The following NTM variants were observed in gnomAD, a reference collection of about 807,000 sequenced individuals.
NTM encodes the protein IgLON family member 2.
NTM carries 13 observed loss-of-function variants against 42.1 expected under a neutral mutation model. The observed-to-expected ratio is 0.31, with a 90% CI of 0.20 to 0.49. The LOEUF (loss-of-function observed/expected upper bound fraction) is 0.49. Among genes scored for constraint, NTM ranks in the 20% least tolerant of loss-of-function variants. The pLI is 0.99. For missense variants in NTM, 373 were observed against 452.8 expected (o/e 0.82, Z 1.60); for synonymous variants, 187 against 179.2 (o/e 1.04, Z -0.35).
intron 1 of NTM, among the ~76,000 whole-genome samples, chr11:131,745,704 T>C (rs140845462): frequency 6.6e-6 from 1 of 152,238 alleles, no homozygotes; most frequent in Non-Finnish European, 1.5e-5. Context: ...GCAAAATATC[T>C]AACCTATAGT....
At chr11:131,675,997 C>T (rs1333558473) in intron 1 of NTM, among the ~76,000 whole-genome samples, 1 of 152,162 alleles carries the variant, frequency 6.6e-6, no homozygotes, top group Admixed American at 6.5e-5. Context: ...CAAGCAAACC[C>T]CTTGGACCAA....
At chr11:131,998,303 G>A (rs186017008) in intron 2 of NTM, among the ~76,000 whole-genome samples, 1 of 152,254 alleles carries the variant, frequency 6.6e-6, no homozygotes, top group East Asian at 1.9e-4. Context: ...TGCTCAGCAC[G>A]GAGGTAGTTA....
At chr11:132,103,237 G>A (rs937473710) in intron 2 of NTM, among the ~76,000 whole-genome samples, 2 of 152,184 alleles carry the variant, frequency 1.3e-5, no homozygotes, top group Non-Finnish European at 2.9e-5. Context: ...TTGGCACATC[G>A]TCCCTGCCAG....
chr11:131,576,330 G>A (rs1299535215), intron 1 of NTM, among the ~76,000 whole-genome samples: 2 of 152,192 alleles, frequency 1.3e-5, no homozygotes, highest in African/African-American at 4.8e-5. Flanking sequence ...AAAAGAACCA[G>A]GATTGGTCCA....
At chr11:132,129,967 A>G (rs573061400) in intron 2 of NTM, among the ~76,000 whole-genome samples, 25 of 152,342 alleles carry the variant, frequency 1.6e-4, no homozygotes, top group African/African-American at 5.3e-4. Flanking sequence ...ACTCCTGCCA[A>G]TGACTTTACA....
At chr11:132,022,629 T>G (rs1021657048) in intron 2 of NTM, among the ~76,000 whole-genome samples, 1 of 152,194 alleles carries the variant, frequency 6.6e-6, no homozygotes, top group Non-Finnish European at 1.5e-5. Flanking sequence ...TTGAATATAA[T>G]AATGTCAAAA....
In NTM at chr11:131,978,813, A is replaced by G. The variant is rs2064805160; in HGVS notation, c.167+67165A>G. ...TTGAAGGCTGTGAGAGTAAAACTTCAGATTTGAAATGCATTAACCTATGTT... is the reference window on the plus strand; with the variant it reads ...TTGAAGGCTGTGAGAGTAAAACTTCGGATTTGAAATGCATTAACCTATGTT... On this transcript the variant is annotated intron_variant, in intron 2 of 8. Coordinates refer to ENST00000683400, the MANE Select transcript of NTM (RefSeq NM_001352005.2). Among the ~76,000 whole-genome samples, 3 of 152,236 alleles carry G rather than the reference A, an allele frequency of 2.0e-5. No homozygotes were observed. In the South Asian group the frequency reaches 6.2e-4, roughly 31 times the overall value.
intron 1 of NTM, among the ~76,000 whole-genome samples, chr11:131,593,637 CCAAGTACCTAGT>C (rs2059574665): frequency 6.6e-6 from 1 of 152,196 alleles, no homozygotes; most frequent in Non-Finnish European, 1.5e-5. Flanking sequence ...AAAACTGAAC[CCAAGTACCTAGT>C]CAAAGGTCAT....
chr11:132,279,749 C>G (rs2093895447), intron 4 of NTM, among the ~76,000 whole-genome samples: 1 of 152,122 alleles, frequency 6.6e-6, no homozygotes, highest in Non-Finnish European at 1.5e-5. Flanking sequence ...CACACACATG[C>G]CCATACCCAC....
chr11:132,306,460 A>C (rs957151787), intron 4 of NTM: 1 of 152,180 alleles, frequency 6.6e-6, no homozygotes. Context: ...GTAATAACTA[A>C]ATCAACAGGT....
At chr11:131,740,700 T>G (rs972062478) in intron 1 of NTM, among the ~76,000 whole-genome samples, 8 of 152,166 alleles carry the variant, frequency 5.3e-5, no homozygotes, top group African/African-American at 1.7e-4. Context: ...CTCCATGCAG[T>G]AAAACAGAGC....
chr11:131,865,129 A>G (rs923499552), intron 1 of NTM, among the ~76,000 whole-genome samples: 12 of 152,226 alleles, frequency 7.9e-5, no homozygotes, highest in African/African-American at 2.4e-4. Flanking sequence ...ACAATGTACA[A>G]GTCCCCAAAG....
chr11:131,672,220 T>C (rs929098714), intron 1 of NTM, among the ~76,000 whole-genome samples: 2 of 152,162 alleles, frequency 1.3e-5, no homozygotes, highest in Admixed American at 1.3e-4. Flanking sequence ...AGGGGACCCT[T>C]GAACATTTCC....
intron 1 of NTM, among the ~76,000 whole-genome samples, chr11:131,699,771 A>G (rs2075869843): frequency 6.6e-6 from 1 of 152,184 alleles, no homozygotes; most frequent in African/African-American, 2.4e-5. Flanking sequence ...TCATGAGAAC[A>G]GCATGAAGGT....
intron 2 of NTM, among the ~76,000 whole-genome samples, chr11:132,071,369 C>T (rs2057643462): frequency 6.6e-6 from 1 of 151,416 alleles, no homozygotes; most frequent in African/African-American, 2.4e-5. Context: ...ACACGTCACA[C>T]TGACCATCAC....
chr11:131,409,772 C>G (rs1463144271), intron 1 of NTM, among the ~76,000 whole-genome samples: 1 of 152,190 alleles, frequency 6.6e-6, no homozygotes, highest in East Asian at 1.9e-4. Flanking sequence ...CCTTTAAGAA[C>G]TGCTGCAGGA....
intron 1 of NTM, among the ~76,000 whole-genome samples, chr11:131,462,348 C>T (rs1005074065): frequency 6.6e-6 from 1 of 152,178 alleles, no homozygotes; most frequent in African/African-American, 2.4e-5. Context: ...TTTGTTCAAA[C>T]ACATAAAACT....
intron 1 of NTM, among the ~76,000 whole-genome samples, chr11:131,846,706 T>C (rs2044949878): frequency 1.3e-5 from 2 of 152,190 alleles, no homozygotes; most frequent in South Asian, 4.1e-4. Context: ...CTTGGAAATG[T>C]ATGTATTATT....
At chr11:132,127,105 C>A (rs531772847) in intron 2 of NTM, among the ~76,000 whole-genome samples, 18 of 152,220 alleles carry the variant, frequency 1.2e-4, no homozygotes, top group South Asian at 4.2e-4. Context: ...TTTCAAACTG[C>A]CCCCCAAAGT....
Sources: gnomAD v4.1 joint callset for allele counts (sites outside exome capture counted in the v4.1 genomes callset) on GRCh38, gnomAD v4.1.1 for gene constraint, MANE v1.5 for transcripts, NCBI Gene and HGNC (gene_info 2026-07-23, HGNC 2026-07-21) for gene names.